FYN: variants seen among roughly 807,000 people sequenced by gnomAD.
FYN encodes tyrosine-protein kinase Fyn.
Under a neutral mutation model 70.2 loss-of-function variants are expected in FYN, and 10 were observed. The observed-to-expected ratio is 0.14, with a 90% confidence interval of 0.09 to 0.24. The LOEUF is 0.24. FYN is among the 10% of genes least tolerant of loss of function. The pLI is 1.00. For synonymous variants in FYN, 236 were observed against 248.6 expected (o/e 0.95, Z 0.48); for missense variants, 319 against 673.1 (o/e 0.47, Z 5.82).
chr6:111,759,034 T>C (rs980690908), intron 3 of FYN: 20 of 152,498 alleles, frequency 1.3e-4, no homozygotes, highest in Non-Finnish European at 2.8e-4. Flanking sequence ...CCCATGCGAG[T>C]CTTACCCTTC....
intron 3 of FYN, among the ~76,000 whole-genome samples, chr6:111,759,523 T>C (rs1215555350): frequency 1.3e-5 from 2 of 152,192 alleles, no homozygotes; most frequent in East Asian, 3.9e-4. Flanking sequence ...TGCTGGGTCC[T>C]CTCGCCTGCT....
intron 13 of FYN, among the ~76,000 whole-genome samples, chr6:111,673,619 A>ATTTTTTTTTT (rs1184612877): frequency 8.2e-4 from 53 of 64,648 alleles, no homozygotes; most frequent in Non-Finnish European, 1.2e-3. Context: ...CGTTTCTATC[A>ATTTTTTTTTT]TTGTTTTTTT....
intron 2 of FYN, among the ~76,000 whole-genome samples, chr6:111,796,714 T>G (rs929785764): frequency 6.6e-6 from 1 of 152,194 alleles, no homozygotes; most frequent in Non-Finnish European, 1.5e-5. Context: ...ATGGTGATGC[T>G]ATGGGTAAGA....
At chr6:111,665,691 G>A (rs1380737237) in intron 13 of FYN, among the ~76,000 whole-genome samples, 7 of 151,710 alleles carry the variant, frequency 4.6e-5, no homozygotes, top group Admixed American at 1.3e-4. Context: ...GTGTGATCTC[G>A]GCTCACTGCA....
intron 2 of FYN, among the ~76,000 whole-genome samples, chr6:111,789,761 T>G (rs1771542055): frequency 6.6e-6 from 1 of 152,220 alleles, no homozygotes; most frequent in Non-Finnish European, 1.5e-5. Context: ...CCTTTTAAAT[T>G]AAGCTGTTCC....
intron 1 of FYN, among the ~76,000 whole-genome samples, chr6:111,849,327 A>G (rs1385814428): frequency 3.3e-5 from 5 of 152,234 alleles, no homozygotes; most frequent in Non-Finnish European, 7.3e-5. Context: ...TTGGGTGAAC[A>G]CACAGACAAT....
At chr6:111,704,484 T>C (rs1799979137) in intron 6 of FYN, among the ~76,000 whole-genome samples, 3 of 152,232 alleles carry the variant, frequency 2.0e-5, no homozygotes, top group Non-Finnish European at 2.9e-5. Flanking sequence ...CTGGGCATGG[T>C]GGCTCATACC....
At chr6:111,821,282 A>G (rs1177486141) in intron 2 of FYN, among the ~76,000 whole-genome samples, 1 of 152,108 alleles carries the variant, frequency 6.6e-6, no homozygotes, top group Non-Finnish European at 1.5e-5. Flanking sequence ...GTACCAAAAC[A>G]GAGATATAGA....
At chr6:111,816,639 T>C (rs552307047) in intron 2 of FYN, among the ~76,000 whole-genome samples, 1 of 152,164 alleles carries the variant, frequency 6.6e-6, no homozygotes, top group Non-Finnish European at 1.5e-5. Context: ...TTTTCACGTA[T>C]CAAGTTTGCA....
intron 7 of FYN, 93 bp from the exon 8 acceptor site, chr6:111,703,127 C>T: frequency 8.8e-7 from 1 of 1,136,378 alleles, no homozygotes; most frequent in Non-Finnish European, 1.3e-6. Context: ...TAATAATTAC[C>T]AAGGATGCAC....
intron 2 of FYN, among the ~76,000 whole-genome samples, chr6:111,805,133 CA>C (rs1401229944): frequency 6.6e-6 from 1 of 152,014 alleles, no homozygotes; most frequent in African/African-American, 2.4e-5. Context: ...TTTAGTCCTA[CA>C]AGGCGTTTTA....
chr6:111,757,096 G>A (rs893518062), intron 3 of FYN, among the ~76,000 whole-genome samples: 9 of 152,140 alleles, frequency 5.9e-5, no homozygotes, highest in African/African-American at 1.9e-4. Context: ...CTGTTACACA[G>A]AAAAACTAAG....
intron 2 of FYN, chr6:111,781,157 A>G (rs774297565): frequency 3.3e-5 from 5 of 152,146 alleles, no homozygotes; most frequent in Non-Finnish European, 5.9e-5. Flanking sequence ...AACATACACG[A>G]CATAGAAGGG....
intron 3 of FYN, among the ~76,000 whole-genome samples, chr6:111,721,217 C>T (rs1018438346): frequency 6.6e-6 from 1 of 152,192 alleles, no homozygotes; most frequent in Non-Finnish European, 1.5e-5. Flanking sequence ...ATGGCATCCT[C>T]ATCTCCCTCC....
chr6:111,827,675 A>G (rs1772882272), intron 2 of FYN, among the ~76,000 whole-genome samples: 1 of 152,102 alleles, frequency 6.6e-6, no homozygotes, highest in Admixed American at 6.5e-5. Context: ...TACCCTTTCC[A>G]TCAACTTGGT....
intron 2 of FYN, among the ~76,000 whole-genome samples, chr6:111,812,548 T>C (rs1772359251): frequency 6.6e-6 from 1 of 151,788 alleles, no homozygotes. Context: ...CCAAATATGC[T>C]TACACAGCTA....
At position 111,696,366 on chromosome 6, in the gene FYN, A is replaced by G; in HGVS notation, c.953T>C (p.Met318Thr). Residue 318 changes from methionine to threonine, a missense_variant, in exon 10 of 14, where the codon ATG becomes ACG. Met to Thr is a moderately conservative substitution (Grantham distance 81). Around this residue, in one of 4 missense-constraint regions of FYN, gnomAD observed 112 missense variants for 250.2 expected, o/e 0.45. Transcript: ENST00000354650. ...PESFLEEAQI[M>T]KKLKHDKLVQ... ...CAGCTTGTCGTGCTTCAGCTTCTTC[A>G]TGATCTGCGCTTCCTCAAGGAATGA... The G allele has an allele frequency of 6.2e-7, 1 of 1,613,980 alleles. No homozygotes were observed.
intron 3 of FYN, among the ~76,000 whole-genome samples, chr6:111,765,074 A>AT (rs1013757988): frequency 1.3e-5 from 2 of 151,912 alleles, no homozygotes; most frequent in African/African-American, 4.8e-5. Context: ...GAGCAAGGCC[A>AT]TTTGCTATCC....
At chr6:111,784,869 C>T (rs749756393) in intron 2 of FYN, among the ~76,000 whole-genome samples, 9 of 152,218 alleles carry the variant, frequency 5.9e-5, no homozygotes, top group African/African-American at 2.2e-4. Flanking sequence ...TTATACGTAT[C>T]ACTGGTACTT....
Sources: allele counts gnomAD v4.1 joint callset (sites outside exome capture counted in the v4.1 genomes callset), GRCh38; gene constraint gnomAD v4.1.1; regional missense constraint gnomAD v4.1.1; transcripts MANE v1.5; gene names NCBI Gene and HGNC (gene_info 2026-07-23, HGNC 2026-07-21).